The following MACROD2 variants were observed in gnomAD, a reference collection of about 807,000 sequenced individuals.
The protein encoded by MACROD2 is ADP-ribose glycohydrolase MACROD2.
MACROD2 carries 36 observed loss-of-function variants against 70.4 expected under a neutral mutation model. That is an observed-to-expected ratio of 0.51 (90% CI 0.39 to 0.68). The LOEUF (loss-of-function observed/expected upper bound fraction) is 0.68. MACROD2 is among the 30% of genes least tolerant of loss of function. The pLI, the probability that MACROD2 is intolerant of heterozygous loss-of-function variation, is 0.00. For synonymous variants in MACROD2, 172 were observed against 178.8 expected, an observed-to-expected ratio of 0.96 and a Z score of 0.30; for missense variants, 496 against 538.4, an observed-to-expected ratio of 0.92 and a Z score of 0.78.
chr20:15,563,546 A>G lies in MACROD2; in HGVS notation c.645+63699A>G, dbSNP rs1003492584. ...AGTAAACCATCTTAAAAGAAAGACT[A>G]TAAATTATTTTGGCACTAAAACTAT... On this transcript the variant is annotated intron_variant, in intron 8 of 17. Transcript: ENST00000684519. Among the ~76,000 whole-genome samples the G allele has an allele frequency of 3.9e-5, 6 of 152,246 alleles. 1 individual carries two copies. The South Asian group carries it at 1.2e-3, about 32-fold the overall frequency.
At chr20:15,455,385 G>T (rs1450781656) in intron 7 of MACROD2, among the ~76,000 whole-genome samples, 1 of 152,118 alleles carries the variant, frequency 6.6e-6, no homozygotes, top group Non-Finnish European at 1.5e-5. Context: ...TTAATGAGTT[G>T]TCACTGTTTT....
chr20:15,355,008 T>C (rs2078270705), intron 6 of MACROD2, among the ~76,000 whole-genome samples: 1 of 152,202 alleles, frequency 6.6e-6, no homozygotes, highest in Non-Finnish European at 1.5e-5. Flanking sequence ...ATTTTACAAA[T>C]GAGAAATTTA....
intron 3 of MACROD2, among the ~76,000 whole-genome samples, chr20:14,304,199 A>G (rs115460765): frequency 0.015 from 2,295 of 152,280 alleles, 24 homozygotes; most frequent in African/African-American, 0.027. Flanking sequence ...TTTAATCATG[A>G]CTACCTATCC....
At chr20:14,358,099 A>G (rs944757621) in intron 3 of MACROD2, among the ~76,000 whole-genome samples, 1 of 152,224 alleles carries the variant, frequency 6.6e-6, no homozygotes, top group African/African-American at 2.4e-5. Context: ...TTAAGGTTTG[A>G]GGCAAAAAGA....
At chr20:14,758,405 T>C (rs1357482753) in intron 5 of MACROD2, among the ~76,000 whole-genome samples, 1 of 152,216 alleles carries the variant, frequency 6.6e-6, no homozygotes, top group Admixed American at 6.5e-5. Flanking sequence ...TCACGGCTTA[T>C]TAAAGCATGC....
intron 2 of MACROD2, among the ~76,000 whole-genome samples, chr20:14,009,767 C>T (rs552776375): frequency 3.3e-5 from 5 of 152,178 alleles, no homozygotes; most frequent in Non-Finnish European, 7.4e-5. Flanking sequence ...GGTACATATA[C>T]ACCATGCAAT....
chr20:15,689,229 G>A (rs910456221), intron 8 of MACROD2, among the ~76,000 whole-genome samples: 4 of 152,062 alleles, frequency 2.6e-5, no homozygotes, highest in Non-Finnish European at 5.9e-5. Flanking sequence ...GCTTGAACCT[G>A]GGGGGTGGAG....
At chr20:15,939,787 A>G (rs1250337137) in intron 12 of MACROD2, among the ~76,000 whole-genome samples, 1 of 152,196 alleles carries the variant, frequency 6.6e-6, no homozygotes, top group Non-Finnish European at 1.5e-5. Flanking sequence ...TTACTATTCT[A>G]GATGACATTA....
chr20:15,936,669 G>GTATATATATATATATATATATATA (rs1568653268), intron 11 of MACROD2, among the ~76,000 whole-genome samples: 1 of 33,126 alleles, frequency 3.0e-5, no homozygotes, highest in Admixed American at 4.7e-4. Flanking sequence ...GTGTATATGT[G>GTATATATATATATATATATATATA]TGTATATATA....
chr20:14,997,391 A>C (rs775732202), intron 5 of MACROD2, among the ~76,000 whole-genome samples: 1 of 151,956 alleles, frequency 6.6e-6, no homozygotes, highest in Non-Finnish European at 1.5e-5. Flanking sequence ...CTTGGGCCTT[A>C]ATAAACATCA....
intron 5 of MACROD2, among the ~76,000 whole-genome samples, chr20:15,061,767 C>T (rs1309156902): frequency 6.6e-6 from 1 of 152,162 alleles, no homozygotes; most frequent in Non-Finnish European, 1.5e-5. Flanking sequence ...ATAAAGTGTA[C>T]TATGATACTA....
intron 5 of MACROD2, among the ~76,000 whole-genome samples, chr20:14,714,374 G>T (rs954915142): frequency 1.3e-5 from 2 of 152,032 alleles, no homozygotes; most frequent in African/African-American, 2.4e-5. Context: ...CATCTACCCA[G>T]ATCCACTTTT....
intron 8 of MACROD2, among the ~76,000 whole-genome samples, chr20:15,563,178 A>G (rs1290311427): frequency 6.6e-6 from 1 of 152,170 alleles, no homozygotes; most frequent in Non-Finnish European, 1.5e-5. Flanking sequence ...GTAACAAAGA[A>G]CTAGAAAGAT....
At chr20:14,198,897 G>A (rs2081455808) in intron 3 of MACROD2, among the ~76,000 whole-genome samples, 1 of 152,060 alleles carries the variant, frequency 6.6e-6, no homozygotes, top group African/African-American at 2.4e-5. Context: ...CTTTTATTTC[G>A]ACATCTTAAA....
chr20:14,881,063 C>T (rs2073606005), intron 5 of MACROD2, among the ~76,000 whole-genome samples: 1 of 152,106 alleles, frequency 6.6e-6, no homozygotes. Flanking sequence ...CCTACATGGC[C>T]TACCCTGAGG....
At chr20:14,935,549 T>A (rs1393626482) in intron 5 of MACROD2, among the ~76,000 whole-genome samples, 1 of 152,208 alleles carries the variant, frequency 6.6e-6, no homozygotes, top group African/African-American at 2.4e-5. Context: ...ACAAGGCATG[T>A]GCTGGACACC....
intron 3 of MACROD2, among the ~76,000 whole-genome samples, chr20:14,393,983 A>G (rs1242771179): frequency 6.6e-6 from 1 of 152,182 alleles, no homozygotes; most frequent in East Asian, 1.9e-4. Flanking sequence ...GGCCGTCACT[A>G]AGAACTGAAT....
chr20:15,555,060 C>A (rs563596305), intron 8 of MACROD2, among the ~76,000 whole-genome samples: 1 of 152,196 alleles, frequency 6.6e-6, no homozygotes, highest in South Asian at 2.1e-4. Context: ...TAGGATATAG[C>A]AAATCTCTAA....
chr20:14,833,349 T>A (rs866032401), intron 5 of MACROD2, among the ~76,000 whole-genome samples: 2 of 152,038 alleles, frequency 1.3e-5, no homozygotes, highest in Non-Finnish European at 2.9e-5. Flanking sequence ...ATCAAAGTCC[T>A]TAAGAGGAGA....
Sources: gnomAD v4.1 joint callset for allele counts (sites outside exome capture counted in the v4.1 genomes callset) on GRCh38, gnomAD v4.1.1 for gene constraint, MANE v1.5 for transcripts, NCBI Gene and HGNC (gene_info 2026-07-23, HGNC 2026-07-21) for gene names.